The following OPHN1 variants were observed in gnomAD, a reference collection of about 807,000 sequenced individuals.
OPHN1 encodes the protein oligophrenin 1.
OPHN1 carries 11 observed loss-of-function variants against 60.7 expected under a neutral mutation model. That is an observed-to-expected ratio of 0.18 (90% CI 0.11 to 0.30). The LOEUF is 0.30. Ranked by LOEUF, OPHN1 falls within the 10% of genes least tolerant of loss-of-function variation. The pLI, the probability that OPHN1 is intolerant of heterozygous loss-of-function variation, is 1.00. For missense variants in OPHN1, 449 were observed against 611.0 expected (o/e 0.73, Z 2.80); for synonymous variants, 226 against 222.6 (o/e 1.02, Z -0.14).
At chrX:68,082,907 T>C (rs1252826079) in intron 19 of OPHN1, among the ~76,000 whole-genome samples, 4 of 111,349 alleles carry the variant, frequency 3.6e-5, no homozygotes, top group African/African-American at 1.3e-4. Flanking sequence ...TGTTTTTTAG[T>C]GTTGCCACCT....
intron 6 of OPHN1, among the ~76,000 whole-genome samples, chrX:68,230,159 A>C (rs2147518257): frequency 8.9e-6 from 1 of 112,364 alleles, no homozygotes; most frequent in South Asian, 3.7e-4. Flanking sequence ...AGACACAGGA[A>C]AAAATGCTCA....
chrX:68,146,297 G>A (rs1379702340), intron 15 of OPHN1, among the ~76,000 whole-genome samples: 1 of 111,625 alleles, frequency 9.0e-6, no homozygotes, highest in Non-Finnish European at 1.9e-5. Flanking sequence ...TCCTTAACCA[G>A]CTTAAGTGAT....
At chrX:68,065,868 C>A (rs936229518) in intron 20 of OPHN1, among the ~76,000 whole-genome samples, 4 of 112,180 alleles carry the variant, frequency 3.6e-5, no homozygotes, top group African/African-American at 1.3e-4. Flanking sequence ...AGGTTTTTGT[C>A]CCCTAGACAG....
chrX:68,063,913 T>C lies in OPHN1; in HGVS notation c.2099A>G (p.Lys700Arg). ...NGPMPGSGPT[K>R]TPSFHIKRPA... ...TCTCTTTATGTGGAAAGAGGGGGTC[T>C]TGGTGGGCCCAGAGCCTGGCATGGG... Residue 700 changes from lysine (K) to arginine (R), a missense_variant, in exon 21 of 25, where the codon AAG becomes AGG. Physicochemically the swap from Lys to Arg is conservative, Grantham distance 26. Coordinates refer to ENST00000355520, the MANE Select transcript of OPHN1 (RefSeq NM_002547.3). The C allele has an allele frequency of 5.0e-6, 6 of 1,189,991 alleles. No homozygotes were observed. The highest frequency in any genetic ancestry group is 6.8e-6 in the Non-Finnish European group (6 of 883,529).
intron 19 of OPHN1, among the ~76,000 whole-genome samples, chrX:68,090,902 C>A (rs182352928): frequency 9.0e-6 from 1 of 111,556 alleles, no homozygotes; most frequent in Admixed American, 9.5e-5. Context: ...ATCAACTATT[C>A]TCCCAGAAAA....
At chrX:68,171,464 G>C (rs1021337200) in intron 15 of OPHN1, among the ~76,000 whole-genome samples, 1 of 111,684 alleles carries the variant, frequency 9.0e-6, no homozygotes, top group Admixed American at 9.5e-5. Flanking sequence ...GGCTGGGCCC[G>C]GTGGCTAACG....
At chrX:68,409,957 A>G (rs1569306196) in intron 2 of OPHN1, among the ~76,000 whole-genome samples, 1 of 111,545 alleles carries the variant, frequency 9.0e-6, no homozygotes, top group African/African-American at 3.3e-5. Context: ...GTGTGAAGCA[A>G]TATCATTCTT....
chrX:68,260,155 T>A (rs1022967440), intron 5 of OPHN1, among the ~76,000 whole-genome samples: 1 of 110,659 alleles, frequency 9.0e-6, no homozygotes, highest in African/African-American at 3.3e-5. Flanking sequence ...CTTTTTTTTT[T>A]TTCAGTAACA....
intron 2 of OPHN1, among the ~76,000 whole-genome samples, chrX:68,363,372 C>T (rs932667425): frequency 8.1e-5 from 9 of 111,548 alleles, no homozygotes; most frequent in Non-Finnish European, 1.3e-4. Context: ...TGCAATGGCA[C>T]GATCTCAGCT....
intron 5 of OPHN1, among the ~76,000 whole-genome samples, chrX:68,236,463 C>T (rs1415419442): frequency 8.9e-6 from 1 of 112,219 alleles, no homozygotes; most frequent in Non-Finnish European, 1.9e-5. Context: ...TTAGCATATT[C>T]ACAAAGCTGT....
chrX:68,190,066 C>A (rs1372239533), intron 15 of OPHN1, among the ~76,000 whole-genome samples: 4 of 111,091 alleles, frequency 3.6e-5, no homozygotes, highest in Non-Finnish European at 7.5e-5. Flanking sequence ...GGTCCACATG[C>A]AGCCAAGGCA....
rs751019748 is a variant in OPHN1 at position 68,133,444 on chromosome X, G to A, written c.1277-14112C>T. 4 of 629,604 alleles carry A rather than the reference G, an allele frequency of 6.4e-6. No individual in the cohort carries two copies. In the Admixed American group the frequency reaches 9.2e-5, roughly 15 times the overall value. The allele number at this position is 629,604 out of a possible 1,213,427, so 51.9% of individuals were successfully genotyped here. ...AGGCCAACAAGCCATGTGTCCTGAA[G>A]CTTTGTTATGTATCTGGGTACCAGG... On this transcript the variant is annotated intron_variant, in intron 15 of 24. Transcript: ENST00000355520.
intron 2 of OPHN1, among the ~76,000 whole-genome samples, chrX:68,365,351 C>G (rs1034544831): frequency 9.1e-6 from 1 of 110,477 alleles, no homozygotes; most frequent in Non-Finnish European, 1.9e-5. Context: ...GATGAAAGAG[C>G]CTACGTAGCA....
intron 2 of OPHN1, among the ~76,000 whole-genome samples, chrX:68,336,673 A>AGTGTGTGT (rs758147589): frequency 2.9e-5 from 3 of 104,971 alleles, no homozygotes; most frequent in African/African-American, 7.0e-5. Context: ...TGTGTGTGAG[A>AGTGTGTGT]GTGTGTGTGT....
At chrX:68,379,645 G>A (rs1289824274) in intron 2 of OPHN1, among the ~76,000 whole-genome samples, 1 of 109,092 alleles carries the variant, frequency 9.2e-6, no homozygotes, top group African/African-American at 3.4e-5. Context: ...ATGAAGGGCT[G>A]TTGAATTTTG....
chrX:68,378,423 C>T (rs898106883), intron 2 of OPHN1, among the ~76,000 whole-genome samples: 20 of 111,600 alleles, frequency 1.8e-4, no homozygotes, highest in Admixed American at 1.9e-4. Flanking sequence ...TGTGCAGAAG[C>T]TCTTTAGTTT....
intron 2 of OPHN1, among the ~76,000 whole-genome samples, chrX:68,303,978 G>A (rs1275706858): frequency 9.0e-6 from 1 of 111,084 alleles, no homozygotes; most frequent in African/African-American, 3.3e-5. Context: ...CAAAATTATG[G>A]CTAGACAGAA....
chrX:68,154,563 C>T (rs1440890967), intron 15 of OPHN1, among the ~76,000 whole-genome samples: 1 of 111,621 alleles, frequency 9.0e-6, no homozygotes, highest in Non-Finnish European at 1.9e-5. Context: ...TGAAGCATAC[C>T]TTTTTAGATA....
chrX:68,284,951 T>C (rs1318653366), intron 3 of OPHN1, among the ~76,000 whole-genome samples: 1 of 112,338 alleles, frequency 8.9e-6, no homozygotes, highest in East Asian at 2.8e-4. Context: ...AAAGTCTGCC[T>C]GTAACTGGAC....
Sources: gnomAD v4.1 joint callset for allele counts (sites outside exome capture counted in the v4.1 genomes callset) on GRCh38, gnomAD v4.1.1 for gene constraint, MANE v1.5 for transcripts, NCBI Gene and HGNC (gene_info 2026-07-23, HGNC 2026-07-21) for gene names.